The following IQCH variants were observed in gnomAD, a reference collection of about 807,000 sequenced individuals.
IQCH encodes IQ domain-containing protein H.
A neutral mutation model predicts 117.0 loss-of-function variants in IQCH; 98 were observed. The ratio of observed to expected loss-of-function variants is 0.84; its 90% CI spans 0.71 to 0.99. The LOEUF (loss-of-function observed/expected upper bound fraction) is 0.99. IQCH is among the 50% of genes least tolerant of loss of function. The pLI is 0.00. For missense variants in IQCH, 1,102 were observed against 1,243.8 expected (o/e 0.89, Z 1.72); for synonymous variants, 412 against 448.2 (o/e 0.92, Z 1.02).
chr15:67,259,112 G>T (rs1965351977), intron 1 of IQCH, among the ~76,000 whole-genome samples: 1 of 152,144 alleles, frequency 6.6e-6, no homozygotes, highest in Non-Finnish European at 1.5e-5. Context: ...ATTCAGAAGA[G>T]AATTAACATT....
chr15:67,498,699 A>G (rs371350019), intron 20 of IQCH, among the ~76,000 whole-genome samples: 12 of 152,212 alleles, frequency 7.9e-5, no homozygotes, highest in African/African-American at 2.7e-4. Context: ...AAACATACGT[A>G]TAAACCTTCA....
chr15:67,327,432 T>TAA (rs938849846), intron 4 of IQCH, among the ~76,000 whole-genome samples: 9 of 151,556 alleles, frequency 5.9e-5, no homozygotes, highest in African/African-American at 2.2e-4. Flanking sequence ...CATCAAATCT[T>TAA]AAAAAAAAAT....
chr15:67,317,827 A>G (rs1161012280), intron 4 of IQCH, among the ~76,000 whole-genome samples: 1 of 152,090 alleles, frequency 6.6e-6, no homozygotes, highest in African/African-American at 2.4e-5. Context: ...GGGTCTGTCT[A>G]GTTTCATGGG....
chr15:67,442,829 T>C (rs2082304654), intron 16 of IQCH, among the ~76,000 whole-genome samples: 1 of 134,800 alleles, frequency 7.4e-6, no homozygotes, highest in Admixed American at 7.4e-5. Context: ...GATAGATAGA[T>C]AGATAGATAG....
At chr15:67,298,767 G>A (rs903357444) in intron 4 of IQCH, among the ~76,000 whole-genome samples, 15 of 152,096 alleles carry the variant, frequency 9.9e-5, no homozygotes, top group Non-Finnish European at 2.2e-4. Context: ...TTGGGAGGCT[G>A]AGGCACAAGA....
rs557025751 is a variant in IQCH, at chr15:67,283,741, A to G, written c.387+4229A>G. Among the ~76,000 whole-genome samples the G allele has an allele frequency of 7.6e-4, 116 of 152,302 alleles. 1 individual carries two copies. The highest frequency in any genetic ancestry group is 2.7e-3 in the African/African-American group (113 of 41,588). ...GGATTTTACTTCAAAATATTTAGAT[A>G]AAACTCATGCCCCAAATAATATATC... On this transcript the variant is annotated intron_variant, in intron 4 of 20. Coordinates refer to ENST00000335894, the MANE Select transcript of IQCH (RefSeq NM_001031715.3).
chr15:67,367,393 G>A (rs1970371297), intron 8 of IQCH, among the ~76,000 whole-genome samples: 1 of 152,174 alleles, frequency 6.6e-6, no homozygotes, highest in Middle Eastern at 3.4e-3. Flanking sequence ...ACAAAAATTA[G>A]ATGGGCGTCA....
rs764854485 is a variant in IQCH at position 67,436,576 on chromosome 15, T to G, written c.2505+14999T>G. 5.0e-4 allele frequency among the ~76,000 whole-genome samples: 76 copies of G among 152,138 alleles called. No individual in the cohort carries two copies. The highest frequency in any genetic ancestry group is 1.6e-4 in the Non-Finnish European group (11 of 68,022). On this transcript the variant is annotated intron_variant, in intron 16 of 20. Transcript: ENST00000335894. This position sits in a 1 kb window ranked among gnomAD's most constrained non-coding sequence, Gnocchi z 5.1. ...GGGTGAGAAGCCTCCTGGCGAGAAC[T>G]CAGGGGAGGGCACAAATCCGGTGTG...
intron 18 of IQCH, among the ~76,000 whole-genome samples, chr15:67,482,102 G>C (rs1350194809): frequency 6.6e-6 from 1 of 152,198 alleles, no homozygotes; most frequent in Non-Finnish European, 1.5e-5. Context: ...ATCCACTTCA[G>C]ATGTGGCCCA....
chr15:67,283,886 A>T (rs1966462020), intron 4 of IQCH, among the ~76,000 whole-genome samples: 1 of 152,044 alleles, frequency 6.6e-6, no homozygotes, highest in Non-Finnish European at 1.5e-5. Context: ...ATTTTTATTT[A>T]TTTCATTTAT....
At chr15:67,374,485 A>G (rs2140798308) in intron 10 of IQCH, among the ~76,000 whole-genome samples, 1 of 152,344 alleles carries the variant, frequency 6.6e-6, no homozygotes, top group East Asian at 1.9e-4. Context: ...ATATGAAAAG[A>G]AAAAACATTT....
At chr15:67,441,122 CAAAAAAAAAAAAAA>C (rs200254535) in intron 16 of IQCH, among the ~76,000 whole-genome samples, 30 of 54,014 alleles carry the variant, frequency 5.6e-4, no homozygotes, top group African/African-American at 1.4e-3. Context: ...GCAATAGCTG[CAAAAAAAAAAAAAA>C]AAAAAAAAAA....
At position 67,337,092 on chromosome 15, in the gene IQCH, A is replaced by G; in HGVS notation, c.505A>G (p.Lys169Glu). ...PIPVLQADAH[K>E]GILSMIERGL... ...ACCAGTCTTACAAGCAGATGCCCAC[A>G]AAGGTTAGTGATTCAATAGCCATTT... Residue 169 changes from lysine to glutamate, a missense_variant, in exon 5 of 21, where the codon AAA (lysine) becomes GAA (glutamate). Physicochemically the swap from Lys to Glu is moderately conservative, Grantham distance 56. Transcript: ENST00000335894. 1 of 1,613,318 alleles carries G rather than the reference A, an allele frequency of 6.2e-7. No individual in the cohort carries two copies. Among genetic ancestry groups the G allele is most frequent in the Non-Finnish European group, 8.5e-7 (1 of 1,179,570 alleles).
At chr15:67,320,877 A>G (rs1240906492) in intron 4 of IQCH, among the ~76,000 whole-genome samples, 5 of 152,338 alleles carry the variant, frequency 3.3e-5, no homozygotes, top group East Asian at 1.9e-4. Flanking sequence ...GGTTAAAGAT[A>G]GTCAGACTGA....
chr15:67,382,738 C>G (rs1970976641), intron 10 of IQCH, among the ~76,000 whole-genome samples: 1 of 152,290 alleles, frequency 6.6e-6, no homozygotes, highest in East Asian at 1.9e-4. Context: ...TATAATATGA[C>G]AGGATTGAGG....
rs113606098 is a variant in IQCH, at chr15:67,477,317, G to A, written c.2799+1499G>A. On this transcript the variant is annotated intron_variant, in intron 18 of 20. Coordinates refer to ENST00000335894, the MANE Select transcript of IQCH (RefSeq NM_001031715.3). ...CCGCCTCGGCTTCCCAAAGTATTGG[G>A]ATTACAGGCATGAGCCACCGCGCCC... Among the ~76,000 whole-genome samples, 1,383 of 152,138 alleles carry A rather than the reference G, an allele frequency of 9.1e-3. 32 individuals are homozygous for A. Among genetic ancestry groups the A allele is most frequent in the African/African-American group, 0.032 (1,323 of 41,520 alleles).
At chr15:67,325,672 A>G (rs1215705270) in intron 4 of IQCH, among the ~76,000 whole-genome samples, 1 of 152,160 alleles carries the variant, frequency 6.6e-6, no homozygotes, top group African/African-American at 2.4e-5. Flanking sequence ...AATATTCTGC[A>G]TAACCAAAAT....
At chr15:67,412,759 T>C (rs2081481646) in intron 14 of IQCH, among the ~76,000 whole-genome samples, 1 of 152,164 alleles carries the variant, frequency 6.6e-6, no homozygotes, top group African/African-American at 2.4e-5. Context: ...ATAACAGATA[T>C]TCAATATATA....
At chr15:67,374,582 G>T (rs1388761141) in intron 10 of IQCH, among the ~76,000 whole-genome samples, 1 of 152,068 alleles carries the variant, frequency 6.6e-6, no homozygotes, top group Non-Finnish European at 1.5e-5. Flanking sequence ...GGAGTACTTA[G>T]ATCTAAGTAC....
Sources: allele counts gnomAD v4.1 joint callset (sites outside exome capture counted in the v4.1 genomes callset), GRCh38; gene constraint gnomAD v4.1.1; non-coding constraint Gnocchi (gnomAD v3.1); transcripts MANE v1.5; gene names NCBI Gene and HGNC (gene_info 2026-07-23, HGNC 2026-07-21).